The following HCN1 variants were observed in gnomAD, a reference collection of about 807,000 sequenced individuals.
The protein encoded by HCN1 is potassium/sodium hyperpolarization-activated cyclic nucleotide-gated channel 1.
HCN1 carries 13 observed loss-of-function variants against 78.9 expected under a neutral mutation model. That is an observed-to-expected ratio of 0.16 (90% confidence interval 0.11 to 0.26). HCN1 has a LOEUF of 0.26. Ranked by LOEUF, HCN1 falls within the 10% of genes least tolerant of loss-of-function variation. The probability of loss-of-function intolerance (pLI) is 1.00; values close to 1 mark genes in which losing one functional copy is unlikely to be tolerated. For missense variants in HCN1, 810 were observed against 1,154.3 expected (o/e 0.70, Z 4.32); for synonymous variants, 552 against 455.5 (o/e 1.21, Z -2.70).
chr5:45,651,046 C>A (rs923808051), intron 1 of HCN1, among the ~76,000 whole-genome samples: 1 of 151,722 alleles, frequency 6.6e-6, no homozygotes, highest in Non-Finnish European at 1.5e-5. Flanking sequence ...TTCTTTTCTC[C>A]CCTCTCTGTG....
chr5:45,297,447 G>T (rs1036223437), intron 6 of HCN1, among the ~76,000 whole-genome samples: 2 of 152,176 alleles, frequency 1.3e-5, no homozygotes, highest in East Asian at 1.9e-4. Flanking sequence ...ATTTTGGGGG[G>T]CTTGCTCCCA....
At chr5:45,510,768 A>G (rs1196476155) in intron 2 of HCN1, among the ~76,000 whole-genome samples, 1 of 152,096 alleles carries the variant, frequency 6.6e-6, no homozygotes, top group Non-Finnish European at 1.5e-5. Context: ...GGAGTAGAAG[A>G]AGGGTATGTC....
chr5:45,336,691 TA>T lies in HCN1; in HGVS notation c.1377+16408del, dbSNP rs556414414. Among the ~76,000 whole-genome samples the T allele has an allele frequency of 5.7e-4, 86 of 151,558 alleles. 1 individual carries two copies. Among genetic ancestry groups the T allele is most frequent in the African/African-American group, 5.8e-4 (24 of 41,374 alleles). ...TATCACAGACTGGGTGGCTTATGAA[TA>T]AAAAAAAATTATTTCTCACAGTTCT... On this transcript the variant is annotated intron_variant, in intron 5 of 7. Coordinates refer to ENST00000303230, the MANE Select transcript of HCN1 (RefSeq NM_021072.4).
intron 3 of HCN1, among the ~76,000 whole-genome samples, chr5:45,401,662 T>A (rs1207959681): frequency 6.6e-6 from 1 of 151,788 alleles, no homozygotes; most frequent in East Asian, 1.9e-4. Flanking sequence ...GAAAGGTTTT[T>A]TTTTTTTTTG....
At chr5:45,348,952 T>C (rs1746818096) in intron 5 of HCN1, among the ~76,000 whole-genome samples, 1 of 152,144 alleles carries the variant, frequency 6.6e-6, no homozygotes, top group Non-Finnish European at 1.5e-5. Flanking sequence ...CTGTCAACAT[T>C]AGACAGATTA....
At chr5:45,361,577 G>T (rs1579840013) in intron 4 of HCN1, among the ~76,000 whole-genome samples, 1 of 152,310 alleles carries the variant, frequency 6.6e-6, no homozygotes, top group East Asian at 1.9e-4. Context: ...CTCCCAAAGT[G>T]CTGGGATATT....
chr5:45,302,444 T>C (rs1220313143), intron 6 of HCN1, among the ~76,000 whole-genome samples: 1 of 151,992 alleles, frequency 6.6e-6, no homozygotes, highest in Non-Finnish European at 1.5e-5. Context: ...GTATTTACAG[T>C]AGTGTGAAAA....
At chr5:45,693,990 A>C (rs1739958987) in intron 1 of HCN1, among the ~76,000 whole-genome samples, 1 of 152,126 alleles carries the variant, frequency 6.6e-6, no homozygotes, top group Non-Finnish European at 1.5e-5. Context: ...ATGAGGTGAA[A>C]TATATTTCCA....
chr5:45,586,984 A>T (rs902722630), intron 2 of HCN1, among the ~76,000 whole-genome samples: 2 of 152,160 alleles, frequency 1.3e-5, no homozygotes, highest in Non-Finnish European at 2.9e-5. Flanking sequence ...TTATATCTTT[A>T]AGACTACATA....
chr5:45,563,161 T>C (rs1743639375), intron 2 of HCN1, among the ~76,000 whole-genome samples: 1 of 152,148 alleles, frequency 6.6e-6, no homozygotes. Flanking sequence ...TTAAAATATA[T>C]AGTGAAGGCC....
chr5:45,499,854 A>T (rs898633243), intron 2 of HCN1, among the ~76,000 whole-genome samples: 3 of 152,166 alleles, frequency 2.0e-5, no homozygotes, highest in African/African-American at 7.2e-5. Context: ...AATTTTGTTT[A>T]CTTTTAGCAT....
At chr5:45,495,534 C>A (rs536019049) in intron 2 of HCN1, among the ~76,000 whole-genome samples, 1 of 152,028 alleles carries the variant, frequency 6.6e-6, no homozygotes, top group African/African-American at 2.4e-5. Context: ...TATACAATCA[C>A]GTCGTCTGCA....
intron 1 of HCN1, among the ~76,000 whole-genome samples, chr5:45,670,347 A>C (rs893477477): frequency 1.3e-5 from 2 of 151,742 alleles, no homozygotes; most frequent in African/African-American, 4.8e-5. Flanking sequence ...CACATTTCAT[A>C]TGTTTTGCAG....
intron 6 of HCN1, among the ~76,000 whole-genome samples, chr5:45,296,835 A>C (rs1406041767): frequency 6.6e-6 from 1 of 152,052 alleles, no homozygotes; most frequent in East Asian, 1.9e-4. Context: ...AGTGTCCATA[A>C]ATTTAATTTA....
Position 45,665,288 on chromosome 5 carries a change from G to A in HCN1, c.426-19680C>T, listed in dbSNP as rs1279978191. Among the ~76,000 whole-genome samples the A allele has an allele frequency of 2.2e-5, 3 of 138,344 alleles. No individual in the cohort carries two copies. The South Asian group carries it at 7.3e-4, about 34-fold the overall frequency. 90.8% of individuals were successfully genotyped at this position (138,344 alleles called of 152,430 possible). On this transcript the variant is annotated intron_variant, in intron 1 of 7. Transcript: ENST00000303230. ...ACAGGAAGGGGCACATCACACTCTGGGGACTGTTGTGGGGTGGGGGGAGGG... is the reference window on the plus strand; with the variant it reads ...ACAGGAAGGGGCACATCACACTCTGAGGACTGTTGTGGGGTGGGGGGAGGG...
chr5:45,600,184 T>TAC (rs879527003), intron 2 of HCN1, among the ~76,000 whole-genome samples: 1 of 151,320 alleles, frequency 6.6e-6, no homozygotes, highest in African/African-American at 2.4e-5. Flanking sequence ...CTCTCTCTCT[T>TAC]ACACACACAC....
At chr5:45,376,404 G>T (rs1486612163) in intron 4 of HCN1, among the ~76,000 whole-genome samples, 1 of 146,082 alleles carries the variant, frequency 6.8e-6, no homozygotes, top group African/African-American at 2.5e-5. Context: ...TCTTGGCAAT[G>T]TGTGGATGCT....
In HCN1 at chr5:45,264,307, A is replaced by G. The variant is rs372464815; in HGVS notation, c.1784-1497T>C. 2.6e-5 allele frequency among the ~76,000 whole-genome samples: 4 copies of G among 152,314 alleles called. 1 individual carries two copies. The highest frequency in any genetic ancestry group is 9.6e-5 in the African/African-American group (4 of 41,566). On this transcript the variant is annotated intron_variant, in intron 7 of 7. Coordinates refer to ENST00000303230, the MANE Select transcript of HCN1 (RefSeq NM_021072.4). ...CATCTTCTGAGTGGTTTGCAATACT[A>G]GACAGTCTCTGGCATAATAATTATT...
At chr5:45,374,318 T>A (rs1294961324) in intron 4 of HCN1, among the ~76,000 whole-genome samples, 19 of 130,724 alleles carry the variant, frequency 1.5e-4, no homozygotes, top group East Asian at 4.7e-4. Flanking sequence ...TTATATACAT[T>A]ATATACATTA....
Sources: gnomAD v4.1 joint callset for allele counts (sites outside exome capture counted in the v4.1 genomes callset) on GRCh38, gnomAD v4.1.1 for gene constraint, MANE v1.5 for transcripts, NCBI Gene and HGNC (gene_info 2026-07-23, HGNC 2026-07-21) for gene names.